Variants in PARD3 observed in about 807,000 individuals in gnomAD.
PARD3 encodes the protein par-3 family cell polarity regulator.
Under a neutral mutation model 155.4 loss-of-function variants are expected in PARD3, and 75 were observed. The observed-to-expected ratio is 0.48, with a 90% CI of 0.40 to 0.58. The LOEUF is 0.58. Ranked by LOEUF, PARD3 falls within the 20% of genes least tolerant of loss-of-function variation. PARD3 has a pLI of 0.00. For synonymous variants in PARD3, 576 were observed against 610.5 expected (o/e 0.94, Z 0.83); for missense variants, 1,642 against 1,721.7 (o/e 0.95, Z 0.82).
At chr10:34,788,166 T>C (rs1841217711) in intron 1 of PARD3, among the ~76,000 whole-genome samples, 1 of 152,156 alleles carries the variant, frequency 6.6e-6, no homozygotes, top group Non-Finnish European at 1.5e-5. Context: ...GGAAGTTATC[T>C]AGACATCAGG....
intron 2 of PARD3, among the ~76,000 whole-genome samples, chr10:34,623,911 G>T (rs2091840537): frequency 6.6e-6 from 1 of 150,656 alleles, no homozygotes; most frequent in South Asian, 2.1e-4. Flanking sequence ...AATCTGGGAG[G>T]CAGAGGTTGC....
chr10:34,568,231 C>G (rs1247663889), intron 2 of PARD3, among the ~76,000 whole-genome samples: 2 of 152,146 alleles, frequency 1.3e-5, no homozygotes, highest in Admixed American at 6.5e-5. Flanking sequence ...AAAGGTAAAT[C>G]GAAATTTACC....
intron 1 of PARD3, among the ~76,000 whole-genome samples, chr10:34,791,109 TATG>T (rs1344782649): frequency 2.0e-5 from 3 of 152,354 alleles, no homozygotes; most frequent in African/African-American, 7.2e-5. Flanking sequence ...TAATAGGAAA[TATG>T]ACTGTTTCCA....
intron 1 of PARD3, among the ~76,000 whole-genome samples, chr10:34,796,307 A>AC: frequency 1.3e-5 from 2 of 152,204 alleles, no homozygotes; most frequent in East Asian, 3.9e-4. Flanking sequence ...CATGCAAGTA[A>AC]CCCCAAGTGG....
intron 3 of PARD3, among the ~76,000 whole-genome samples, chr10:34,502,661 C>G (rs1191040323): frequency 2.0e-5 from 3 of 152,070 alleles, no homozygotes; most frequent in African/African-American, 7.2e-5. Context: ...TTAGACTTGG[C>G]TAGGTGTGGT....
chr10:34,268,680 A>G (rs1955460646), intron 22 of PARD3, among the ~76,000 whole-genome samples: 1 of 152,166 alleles, frequency 6.6e-6, no homozygotes, highest in African/African-American at 2.4e-5. Flanking sequence ...TTGCAAGGAC[A>G]GAAAACCAAA....
At chr10:34,607,285 C>G (rs1395143832) in intron 2 of PARD3, among the ~76,000 whole-genome samples, 1 of 152,136 alleles carries the variant, frequency 6.6e-6, no homozygotes, top group Non-Finnish European at 1.5e-5. Context: ...TTGCAAACAA[C>G]CCTCCAGGGT....
At chr10:34,387,693 C>T (rs1842487675) in intron 7 of PARD3, among the ~76,000 whole-genome samples, 2 of 152,164 alleles carry the variant, frequency 1.3e-5, no homozygotes, top group African/African-American at 2.4e-5. Context: ...AGCCACTGTG[C>T]CAGCTGAAAT....
At chr10:34,392,603 AAG>A (rs1430542207) in intron 7 of PARD3, among the ~76,000 whole-genome samples, 4 of 152,160 alleles carry the variant, frequency 2.6e-5, no homozygotes, top group African/African-American at 9.7e-5. Context: ...ATTTTTCCTT[AAG>A]TCTTATGATT....
chr10:34,390,047 T>A (rs1427676547), intron 7 of PARD3, among the ~76,000 whole-genome samples: 1 of 152,186 alleles, frequency 6.6e-6, no homozygotes, highest in African/African-American at 2.4e-5. Context: ...CGGCTGAGAA[T>A]GCACAATTGA....
intron 1 of PARD3, among the ~76,000 whole-genome samples, chr10:34,714,040 T>A (rs1055740828): frequency 1.3e-5 from 2 of 152,222 alleles, no homozygotes; most frequent in African/African-American, 2.4e-5. Context: ...TCCTGTTTAC[T>A]TCTCCCTAGC....
rs115039387 is a variant in PARD3, at chr10:34,666,355, T to G, written c.222+29963A>C. Among the ~76,000 whole-genome samples the G allele has an allele frequency of 3.4e-3, 515 of 152,296 alleles. 3 individuals are homozygous for G. Among genetic ancestry groups the G allele is most frequent in the African/African-American group, 0.012 (497 of 41,572 alleles). ...CAAGCAGCCAGAAACTGATCCTGAT[T>G]CCAATTACTATTGAGTTTCTTCATG... On this transcript the variant is annotated intron_variant, in intron 2 of 24. Coordinates refer to ENST00000374788, the MANE Select transcript of PARD3 (RefSeq NM_001184785.2).
At chr10:34,652,322 G>A (rs182835684) in intron 2 of PARD3, among the ~76,000 whole-genome samples, 1 of 152,326 alleles carries the variant, frequency 6.6e-6, no homozygotes, top group African/African-American at 2.4e-5. Context: ...AAGGACAGAG[G>A]CTATTGGCTG....
intron 3 of PARD3, among the ~76,000 whole-genome samples, chr10:34,504,429 TA>T (rs57691806): frequency 2.1e-3 from 275 of 132,570 alleles, no homozygotes; most frequent in Non-Finnish European, 2.6e-3. Flanking sequence ...TCCCCAAGAT[TA>T]AAAAAAAAAA....
intron 22 of PARD3, among the ~76,000 whole-genome samples, chr10:34,267,311 A>G (rs1426695388): frequency 1.3e-5 from 2 of 152,178 alleles, no homozygotes; most frequent in Admixed American, 6.5e-5. Context: ...ATTGTCACTG[A>G]TAATAATTGT....
chr10:34,451,009 CA>C (rs1171245934), intron 4 of PARD3, among the ~76,000 whole-genome samples: 9 of 152,114 alleles, frequency 5.9e-5, no homozygotes, highest in Admixed American at 5.2e-4. Flanking sequence ...ACTCAAACAT[CA>C]GGGGAAAAAA....
At chr10:34,528,532 T>C (rs143044071) in intron 2 of PARD3, among the ~76,000 whole-genome samples, 25 of 152,004 alleles carry the variant, frequency 1.6e-4, no homozygotes, top group African/African-American at 6.0e-4. Flanking sequence ...TGATAGGTTT[T>C]GTTTTGTTTT....
chr10:34,600,648 T>C (rs908208480), intron 2 of PARD3, among the ~76,000 whole-genome samples: 10 of 152,280 alleles, frequency 6.6e-5, no homozygotes, highest in African/African-American at 2.4e-4. Flanking sequence ...AAACAATTAG[T>C]CTGAAAATTA....
intron 1 of PARD3, among the ~76,000 whole-genome samples, chr10:34,812,208 A>C (rs1844271961): frequency 6.6e-6 from 1 of 152,226 alleles, no homozygotes; most frequent in South Asian, 2.1e-4. Context: ...ACTGCAGAGA[A>C]AGCCTTGGTG....
Sources: gnomAD v4.1 joint callset for allele counts (sites outside exome capture counted in the v4.1 genomes callset) on GRCh38, gnomAD v4.1.1 for gene constraint, MANE v1.5 for transcripts, NCBI Gene and HGNC (gene_info 2026-07-23, HGNC 2026-07-21) for gene names.